Variants in EDIL3 observed in about 807,000 individuals in gnomAD.
The protein encoded by EDIL3 is EGF like and discoidin domains 3.
In EDIL3, 37 loss-of-function variants were observed where a neutral mutation model predicts 67.4. The observed-to-expected ratio is 0.55, with a 90% confidence interval of 0.42 to 0.72. EDIL3 has a LOEUF of 0.72. Among genes scored for constraint, EDIL3 ranks in the 30% least tolerant of loss-of-function variants. The pLI, the probability that EDIL3 is intolerant of heterozygous loss-of-function variation, is 0.00. For missense variants in EDIL3, 527 were observed against 586.3 expected (o/e 0.90, Z 1.04); for synonymous variants, 195 against 196.3 (o/e 0.99, Z 0.05).
chr5:84,288,031 C>T (rs763112359), intron 1 of EDIL3, among the ~76,000 whole-genome samples: 5 of 152,152 alleles, frequency 3.3e-5, no homozygotes, highest in East Asian at 1.9e-4. Flanking sequence ...TTTATACTCA[C>T]GAACTCACTT....
At chr5:84,194,907 G>T (rs1230911960) in intron 3 of EDIL3, among the ~76,000 whole-genome samples, 1 of 151,856 alleles carries the variant, frequency 6.6e-6, no homozygotes, top group Non-Finnish European at 1.5e-5. Context: ...CCCTCAGTTT[G>T]ATTGAAATGA....
intron 5 of EDIL3, among the ~76,000 whole-genome samples, chr5:84,113,217 T>C (rs999056032): frequency 6.6e-6 from 1 of 152,186 alleles, no homozygotes; most frequent in Admixed American, 6.5e-5. Flanking sequence ...GTAGTCTGCA[T>C]TTCCTGGCTG....
chr5:84,333,919 C>A (rs1237844425), intron 1 of EDIL3, among the ~76,000 whole-genome samples: 1 of 152,046 alleles, frequency 6.6e-6, no homozygotes. Flanking sequence ...GAGCAAGGGC[C>A]ATGATTTAAA....
At position 84,148,577 on chromosome 5, in the gene EDIL3, T is replaced by C. The variant is rs186282434; in HGVS notation, c.356-11223A>G. Among the ~76,000 whole-genome samples the C allele has an allele frequency of 2.0e-4, 31 of 152,266 alleles. 1 individual carries two copies. In the East Asian group the frequency reaches 3.7e-3, roughly 18 times the overall value. ...TGGTAAATACAGAAAAGACTCCTTT[T>C]TTAAATTCTTAGGAGTTTCAGTCCT... is the stretch of plus-strand genomic sequence containing the variant. On this transcript the variant is annotated intron_variant, in intron 4 of 10. Coordinates refer to ENST00000296591, the MANE Select transcript of EDIL3 (RefSeq NM_005711.5).
intron 1 of EDIL3, among the ~76,000 whole-genome samples, chr5:84,298,273 G>T (rs182250238): frequency 6.6e-6 from 1 of 152,104 alleles, no homozygotes; most frequent in African/African-American, 2.4e-5. Context: ...AATGTGGTAC[G>T]TACACACCAT....
chr5:84,046,692 C>T (rs1746229857), intron 9 of EDIL3, among the ~76,000 whole-genome samples: 1 of 152,130 alleles, frequency 6.6e-6, no homozygotes, highest in South Asian at 2.1e-4. Flanking sequence ...ATTTTCAGTT[C>T]ATATTTTTAG....
chr5:84,076,743 GT>G lies in EDIL3; in HGVS notation c.652-10138del, dbSNP rs545267874. On this transcript the variant is annotated intron_variant, in intron 6 of 10. Coordinates refer to ENST00000296591, the MANE Select transcript of EDIL3 (RefSeq NM_005711.5). ...TAACTAGCAACAAAGACTGTCAGCT[GT>G]TTTCATTGATGTGGCAGGATTGCTG... 4.7e-4 allele frequency among the ~76,000 whole-genome samples: 71 copies of G among 152,272 alleles called. 2 individuals are homozygous for G. In the South Asian group the frequency reaches 0.013, roughly 27 times the overall value.
intron 5 of EDIL3, among the ~76,000 whole-genome samples, chr5:84,131,367 A>G (rs1439864307): frequency 6.6e-6 from 1 of 152,184 alleles, no homozygotes; most frequent in Admixed American, 6.6e-5. Context: ...GTTCTATTTG[A>G]ATGTAAAGCC....
intron 9 of EDIL3, among the ~76,000 whole-genome samples, chr5:84,033,253 T>C (rs1454311864): frequency 6.6e-6 from 1 of 152,222 alleles, no homozygotes; most frequent in Non-Finnish European, 1.5e-5. Flanking sequence ...TCAACTTGAT[T>C]ATTTCCTGAT....
chr5:84,079,262 T>G (rs1746920400), intron 6 of EDIL3, among the ~76,000 whole-genome samples: 1 of 152,036 alleles, frequency 6.6e-6, no homozygotes, highest in Non-Finnish European at 1.5e-5. Flanking sequence ...GTAAATGTGT[T>G]TCCCTGAGTT....
At chr5:84,073,686 T>C (rs3958738) in intron 6 of EDIL3, among the ~76,000 whole-genome samples, 5 of 150,380 alleles carry the variant, frequency 3.3e-5, no homozygotes, top group Admixed American at 1.3e-4. Flanking sequence ...CACTGCTCAA[T>C]GAAATAAAAG....
At chr5:84,186,489 T>C (rs928414370) in intron 3 of EDIL3, among the ~76,000 whole-genome samples, 3 of 152,006 alleles carry the variant, frequency 2.0e-5, no homozygotes, top group East Asian at 1.9e-4. Flanking sequence ...TTATCCAGTT[T>C]GGGTATCTCA....
At chr5:84,039,108 G>GT (rs112114634) in intron 9 of EDIL3, among the ~76,000 whole-genome samples, 2,390 of 145,994 alleles carry the variant, frequency 0.016, 68 homozygotes, top group African/African-American at 0.052. Flanking sequence ...TAAAGACTGT[G>GT]TTTTTTTTTT....
At chr5:84,060,270 G>GGGTA (rs771364607) in intron 9 of EDIL3, 30 bp downstream of exon 9, 1 of 1,607,662 alleles carries the variant, frequency 6.2e-7, no homozygotes, top group Non-Finnish European at 8.5e-7. Context: ...GAGGAACAGT[G>GGGTA]GGTAGTGAAA....
chr5:84,314,774 T>C (rs1335739304), intron 1 of EDIL3, among the ~76,000 whole-genome samples: 1 of 152,176 alleles, frequency 6.6e-6, no homozygotes, highest in African/African-American at 2.4e-5. Context: ...CAACAAACGT[T>C]AAATTCCATG....
intron 9 of EDIL3, among the ~76,000 whole-genome samples, chr5:84,025,262 G>A (rs66802107): frequency 0.19 from 29,006 of 151,922 alleles, 3,098 homozygotes; most frequent in South Asian, 0.25. Flanking sequence ...GGCCTGTTAG[G>A]ACTTGGGTTG....
chr5:84,027,972 A>T (rs907769363), intron 9 of EDIL3, among the ~76,000 whole-genome samples: 1 of 152,172 alleles, frequency 6.6e-6, no homozygotes, highest in African/African-American at 2.4e-5. Flanking sequence ...GACAACACTG[A>T]ATTCACTTAA....
intron 2 of EDIL3, among the ~76,000 whole-genome samples, chr5:84,230,236 C>T (rs1744543520): frequency 6.6e-6 from 1 of 151,946 alleles, no homozygotes; most frequent in Non-Finnish European, 1.5e-5. Context: ...ATAAATATTG[C>T]TGCTGAAAAA....
intron 3 of EDIL3, among the ~76,000 whole-genome samples, chr5:84,219,781 A>T (rs1378535218): frequency 6.6e-6 from 1 of 152,242 alleles, no homozygotes; most frequent in Non-Finnish European, 1.5e-5. Context: ...CTATTCAGTC[A>T]TAAAAAAGAA....
Sources: allele counts gnomAD v4.1 joint callset (sites outside exome capture counted in the v4.1 genomes callset), GRCh38; gene constraint gnomAD v4.1.1; transcripts MANE v1.5; gene names NCBI Gene and HGNC (gene_info 2026-07-23, HGNC 2026-07-21).